The following CDH13 variants were observed in gnomAD, a reference collection of about 807,000 sequenced individuals.
CDH13 encodes the protein cadherin-13.
A neutral mutation model predicts 63.8 loss-of-function variants in CDH13; 24 were observed. The ratio of observed to expected loss-of-function variants is 0.38; its 90% CI spans 0.27 to 0.53. The LOEUF (loss-of-function observed/expected upper bound fraction) is 0.53, where lower values mean the gene tolerates loss of function less well. Ranked by LOEUF, CDH13 falls within the 20% of genes least tolerant of loss-of-function variation. The probability of loss-of-function intolerance (pLI) is 0.85; values close to 1 mark genes in which losing one functional copy is unlikely to be tolerated. For synonymous variants in CDH13, 503 were observed against 355.3 expected, an observed-to-expected ratio of 1.42 and a Z score of -4.67; for missense variants, 1,049 against 903.1, an observed-to-expected ratio of 1.16 and a Z score of -2.07.
At chr16:82,808,609 T>A (rs984730452) in intron 1 of CDH13, among the ~76,000 whole-genome samples, 1 of 152,152 alleles carries the variant, frequency 6.6e-6, no homozygotes, top group Non-Finnish European at 1.5e-5. Context: ...AAAATAGTTA[T>A]TTATTTTTTC....
At chr16:83,399,668 T>G (rs2091938631) in intron 6 of CDH13, among the ~76,000 whole-genome samples, 1 of 152,208 alleles carries the variant, frequency 6.6e-6, no homozygotes, top group Admixed American at 6.5e-5. Context: ...GCTTTCTCCT[T>G]GTTCGCTGGG....
At chr16:83,779,133 G>T (rs927845527) in intron 11 of CDH13, among the ~76,000 whole-genome samples, 1 of 152,112 alleles carries the variant, frequency 6.6e-6, no homozygotes, top group Non-Finnish European at 1.5e-5. Context: ...AAGGCCGGAT[G>T]CGGTGGCTCA....
At chr16:82,963,216 CAAA>C (rs397775475) in intron 2 of CDH13, among the ~76,000 whole-genome samples, 1 of 132,376 alleles carries the variant, frequency 7.6e-6, no homozygotes, top group African/African-American at 2.7e-5. Flanking sequence ...ACTAAAAATA[CAAA>C]AAAAAAAAAA....
At chr16:83,699,632 CACACGTGTATGTGCACACGCACAT>C (rs1404761774) in intron 10 of CDH13, among the ~76,000 whole-genome samples, 2 of 152,146 alleles carry the variant, frequency 1.3e-5, no homozygotes, top group Non-Finnish European at 2.9e-5. Context: ...CATATGCACA[CACACGTGTATGTGCACACGCACAT>C]ACACACACAC....
At position 83,483,658 on chromosome 16, in the gene CDH13, G is replaced by T. The variant is rs532356491; in HGVS notation, c.782-2819G>T. On this transcript the variant is annotated intron_variant, in intron 6 of 13. Transcript: ENST00000567109. Reference sequence around the variant, plus strand: ...GTCAAGTGTACTTAACTGGAGACTGGTGTGGAATTGATGGGGTTAAGGCCT... The same window carrying T: ...GTCAAGTGTACTTAACTGGAGACTGTTGTGGAATTGATGGGGTTAAGGCCT... Among the ~76,000 whole-genome samples the T allele has an allele frequency of 1.5e-4, 23 of 152,238 alleles. No homozygotes were observed. In the East Asian group the frequency reaches 3.9e-3, roughly 26 times the overall value.
At chr16:82,754,279 A>T (rs1403834211) in intron 1 of CDH13, among the ~76,000 whole-genome samples, 1 of 152,192 alleles carries the variant, frequency 6.6e-6, no homozygotes, top group Non-Finnish European at 1.5e-5. Context: ...CTCCTTGATG[A>T]TCATTCCCAC....
chr16:82,835,401 C>G (rs1356318677), intron 1 of CDH13, among the ~76,000 whole-genome samples: 2 of 152,202 alleles, frequency 1.3e-5, no homozygotes, highest in Non-Finnish European at 2.9e-5. Context: ...GATTTAAACT[C>G]CAAAGCTACC....
At chr16:82,784,992 G>C (rs1222227279) in intron 1 of CDH13, among the ~76,000 whole-genome samples, 1 of 152,168 alleles carries the variant, frequency 6.6e-6, no homozygotes, top group South Asian at 2.1e-4. Context: ...GACTCAGACA[G>C]TTAGGGCTAC....
At chr16:82,660,884 T>C (rs1178778049) in intron 1 of CDH13, among the ~76,000 whole-genome samples, 1 of 152,198 alleles carries the variant, frequency 6.6e-6, no homozygotes, top group Non-Finnish European at 1.5e-5. Flanking sequence ...GTAAAGAGCC[T>C]TTTGAAGTAT....
At chr16:82,910,276 G>A (rs906487952) in intron 2 of CDH13, among the ~76,000 whole-genome samples, 13 of 152,194 alleles carry the variant, frequency 8.5e-5, no homozygotes, top group Middle Eastern at 6.8e-3. Context: ...AGCCTATTCT[G>A]GCCGATACTC....
chr16:83,678,647 G>T (rs1915158869), intron 10 of CDH13, among the ~76,000 whole-genome samples, 186 bp downstream of exon 10: 1 of 152,180 alleles, frequency 6.6e-6, no homozygotes, highest in African/African-American at 2.4e-5. Context: ...CAGGCTCTTT[G>T]GTGAGGATGC....
At position 83,700,850 on chromosome 16, in the gene CDH13, C is replaced by T. The variant is rs150126851; in HGVS notation, c.1538+22389C>T. Among the ~76,000 whole-genome samples, 26 of 152,224 alleles carry T rather than the reference C, an allele frequency of 1.7e-4. No homozygotes were observed. In the East Asian group the frequency reaches 4.6e-3, roughly 27 times the overall value. ...TCATTTTGTGTAATTAAACGGGCCA[C>T]GGGAACTACTATCAGCTTCCTGGGG... On this transcript the variant is annotated intron_variant, in intron 10 of 13. Transcript: ENST00000567109.
intron 4 of CDH13, among the ~76,000 whole-genome samples, chr16:83,133,860 A>G (rs1035797846): frequency 6.6e-6 from 1 of 152,212 alleles, no homozygotes; most frequent in African/African-American, 2.4e-5. Flanking sequence ...CACTTAACAC[A>G]TTTTGAGAGA....
At chr16:83,109,848 C>T (rs9922134) in intron 3 of CDH13, among the ~76,000 whole-genome samples, 15,193 of 152,152 alleles carry the variant, frequency 0.1, 852 homozygotes, top group African/African-American at 0.15. Flanking sequence ...AACGGGCTTC[C>T]GACTAAAGAA....
At chr16:82,724,046 A>C (rs902196114) in intron 1 of CDH13, among the ~76,000 whole-genome samples, 1 of 152,142 alleles carries the variant, frequency 6.6e-6, no homozygotes, top group Admixed American at 6.5e-5. Context: ...GTACTCTCTG[A>C]GCCTTTCTTG....
At chr16:83,310,990 A>G (rs2089987277) in intron 5 of CDH13, among the ~76,000 whole-genome samples, 1 of 152,186 alleles carries the variant, frequency 6.6e-6, no homozygotes, top group Admixed American at 6.5e-5. Flanking sequence ...GTACTCCCAC[A>G]TAAAGGTTAT....
intron 4 of CDH13, among the ~76,000 whole-genome samples, chr16:83,190,999 T>A (rs1177936805): frequency 6.6e-6 from 1 of 151,926 alleles, no homozygotes; most frequent in Non-Finnish European, 1.5e-5. Context: ...AATGTTCTTA[T>A]TTGGTTAAAC....
In CDH13 at chr16:83,527,855, A is replaced by C. The variant is rs1318507007; in HGVS notation, c.960+41200A>C. Among the ~76,000 whole-genome samples the C allele has an allele frequency of 2.6e-5, 4 of 152,238 alleles. No homozygotes were observed. In the East Asian group the frequency reaches 7.7e-4, roughly 29 times the overall value. The stretch of plus-strand genomic sequence containing the variant: ...GTATCCATATCACACTGTAAAGTAG[A>C]AAGAAGTCTATATTTTCTCAGTACC... On this transcript the variant is annotated intron_variant, in intron 7 of 13. Coordinates refer to ENST00000567109, the MANE Select transcript of CDH13 (RefSeq NM_001257.5).
intron 7 of CDH13, among the ~76,000 whole-genome samples, chr16:83,547,520 T>G (rs1384428305): frequency 6.6e-6 from 1 of 152,202 alleles, no homozygotes; most frequent in Non-Finnish European, 1.5e-5. Flanking sequence ...TTCTCATTAT[T>G]TAGCTCCCAC....
Sources: allele counts gnomAD v4.1 joint callset (sites outside exome capture counted in the v4.1 genomes callset), GRCh38; gene constraint gnomAD v4.1.1; transcripts MANE v1.5; gene names NCBI Gene and HGNC (gene_info 2026-07-23, HGNC 2026-07-21).